MAN1A1: variants seen among roughly 807,000 people sequenced by gnomAD.
MAN1A1 encodes the protein mannosidase alpha class 1A member 1.
In MAN1A1, 29 loss-of-function variants were observed where a neutral mutation model predicts 70.8. That is an observed-to-expected ratio of 0.41 (90% CI 0.31 to 0.56). The LOEUF (loss-of-function observed/expected upper bound fraction) is 0.56. Ranked by LOEUF, MAN1A1 falls within the 20% of genes least tolerant of loss-of-function variation. The pLI is 0.29. For synonymous variants in MAN1A1, 349 were observed against 330.1 expected, an observed-to-expected ratio of 1.06 and a Z score of -0.62; for missense variants, 747 against 841.3, an observed-to-expected ratio of 0.89 and a Z score of 1.39.
At chr6:119,328,202 C>T (rs1388813994) in intron 2 of MAN1A1, among the ~76,000 whole-genome samples, 4 of 152,236 alleles carry the variant, frequency 2.6e-5, no homozygotes, top group African/African-American at 9.6e-5. Flanking sequence ...AACAGTAAGT[C>T]ACCCACTGCC....
At chr6:119,190,018 G>A (rs1480727582) in intron 9 of MAN1A1, 135 bp from the exon 10 acceptor site, 2 of 701,996 alleles carry the variant, frequency 2.8e-6, no homozygotes, top group Non-Finnish European at 4.7e-6. Context: ...CATTCAACCT[G>A]AAATTACATG....
At chr6:119,202,935 C>T (rs906084208) in intron 7 of MAN1A1, among the ~76,000 whole-genome samples, 1 of 152,108 alleles carries the variant, frequency 6.6e-6, no homozygotes, top group Non-Finnish European at 1.5e-5. Context: ...TAGGTTATGA[C>T]GGTAGAGCCT....
intron 5 of MAN1A1, among the ~76,000 whole-genome samples, chr6:119,270,530 C>T (rs1223735475): frequency 6.6e-6 from 1 of 152,146 alleles, no homozygotes. Flanking sequence ...TTCCCTCCAA[C>T]CCCTCTTGTC....
chr6:119,225,809 A>T (rs1208282587), intron 6 of MAN1A1, among the ~76,000 whole-genome samples: 2 of 152,216 alleles, frequency 1.3e-5, no homozygotes, highest in Non-Finnish European at 2.9e-5. Flanking sequence ...AATATATCTG[A>T]TGAAACTTTT....
chr6:119,344,088 A>G (rs1488900707), intron 2 of MAN1A1, among the ~76,000 whole-genome samples: 3 of 152,254 alleles, frequency 2.0e-5, no homozygotes, highest in Non-Finnish European at 4.4e-5. Context: ...CATTTTGTGT[A>G]ATACTAAGAT....
chr6:119,256,411 A>ATTTTTTTT, intron 5 of MAN1A1, among the ~76,000 whole-genome samples: 1 of 117,884 alleles, frequency 8.5e-6, no homozygotes, highest in Non-Finnish European at 1.9e-5. Flanking sequence ...ATTGTATCTC[A>ATTTTTTTT]TTATTTTTTT....
intron 8 of MAN1A1, among the ~76,000 whole-genome samples, chr6:119,200,238 T>C (rs1288774326): frequency 2.0e-5 from 3 of 152,188 alleles, no homozygotes; most frequent in South Asian, 2.1e-4. Context: ...TATATCATTA[T>C]ACTAGTATTA....
intron 10 of MAN1A1, 37 bp from the exon 11 acceptor site, chr6:119,188,614 C>A (rs376352723): frequency 6.3e-7 from 1 of 1,575,506 alleles, no homozygotes; most frequent in Non-Finnish European, 8.7e-7. Flanking sequence ...GGGTTATTTT[C>A]CTGGACAGTG....
At position 119,276,766 on chromosome 6, in the gene MAN1A1, G is replaced by A. The variant is rs761808523; in HGVS notation, c.897+13917C>T. Among the ~76,000 whole-genome samples, 62 of 152,136 alleles carry A rather than the reference G, an allele frequency of 4.1e-4. 1 individual carries two copies. Among genetic ancestry groups the A allele is most frequent in the Non-Finnish European group, 1.0e-4 (7 of 68,020 alleles). On this transcript the variant is annotated intron_variant, in intron 5 of 12. Transcript: ENST00000368468. ...AGTTAGCAGTAATTTATAAATTAGAGCAACTGTGGGTATTGTTTTGTCAAT... is the reference window on the plus strand; with the variant it reads ...AGTTAGCAGTAATTTATAAATTAGAACAACTGTGGGTATTGTTTTGTCAAT...
intron 2 of MAN1A1, among the ~76,000 whole-genome samples, chr6:119,337,400 T>G (rs1166008927): frequency 6.6e-6 from 1 of 152,232 alleles, no homozygotes; most frequent in East Asian, 1.9e-4. Context: ...GAGTAACTCC[T>G]GTAGGCATGT....
At chr6:119,327,246 C>T (rs1053678343) in intron 2 of MAN1A1, 9 of 152,280 alleles carry the variant, frequency 5.9e-5, no homozygotes, top group African/African-American at 2.2e-4. Flanking sequence ...AACAGGACTC[C>T]ATGTGATGTT....
At chr6:119,298,903 T>A (rs1269792975) in intron 4 of MAN1A1, among the ~76,000 whole-genome samples, 1 of 152,080 alleles carries the variant, frequency 6.6e-6, no homozygotes, top group African/African-American at 2.4e-5. Flanking sequence ...GCCAACTTTT[T>A]AAATAATACC....
chr6:119,241,938 G>C lies in MAN1A1; in HGVS notation c.992+6322C>G, dbSNP rs369670737. 3.4e-5 allele frequency among the ~76,000 whole-genome samples: 3 copies of C among 88,212 alleles called. No individual in the cohort carries two copies. The East Asian group carries it at 8.4e-4, about 25-fold the overall frequency. 57.9% of individuals were successfully genotyped at this position (88,212 alleles called of 152,430 possible). A position where few individuals can be genotyped will look rare whatever the true frequency, so the allele number is the denominator to read the frequency against. On this transcript the variant is annotated intron_variant, in intron 6 of 12. Transcript: ENST00000368468. The stretch of plus-strand genomic sequence containing the variant: ...TGTGTGTGTGTTTGTGTATGTGTGT[G>C]TGTGTATGTATGTGTGTGTGTGTGT...
At chr6:119,288,999 T>A (rs751389303) in intron 5 of MAN1A1, among the ~76,000 whole-genome samples, 3 of 151,688 alleles carry the variant, frequency 2.0e-5, no homozygotes, top group African/African-American at 7.2e-5. Flanking sequence ...TTAAAAAATA[T>A]CCTTACAAAG....
chr6:119,259,824 C>A (rs1033072432), intron 5 of MAN1A1, among the ~76,000 whole-genome samples: 5 of 152,124 alleles, frequency 3.3e-5, no homozygotes, highest in African/African-American at 1.2e-4. Context: ...GAGAAGTTCT[C>A]TTTTTCCCCA....
chr6:119,266,158 A>C (rs1775748177), intron 5 of MAN1A1, among the ~76,000 whole-genome samples: 1 of 152,210 alleles, frequency 6.6e-6, no homozygotes, highest in Non-Finnish European at 1.5e-5. Context: ...AAGATTGAAT[A>C]CCAAGACGTC....
intron 4 of MAN1A1, among the ~76,000 whole-genome samples, chr6:119,301,326 C>T (rs1772383104): frequency 6.6e-6 from 1 of 152,154 alleles, no homozygotes; most frequent in Non-Finnish European, 1.5e-5. Flanking sequence ...AAGACGTAGT[C>T]CTCCCCAGTC....
chr6:119,346,865 C>T (rs1483281449), intron 2 of MAN1A1, among the ~76,000 whole-genome samples: 1 of 152,162 alleles, frequency 6.6e-6, no homozygotes, highest in African/African-American at 2.4e-5. Context: ...CAGGCAGATA[C>T]AGATCATTTG....
chr6:119,261,878 A>G (rs1775624491), intron 5 of MAN1A1, among the ~76,000 whole-genome samples: 1 of 152,218 alleles, frequency 6.6e-6, no homozygotes, highest in South Asian at 2.1e-4. Flanking sequence ...GATCTATTAG[A>G]TTTGTTGAAA....
Sources: allele counts gnomAD v4.1 joint callset (sites outside exome capture counted in the v4.1 genomes callset), GRCh38; gene constraint gnomAD v4.1.1; transcripts MANE v1.5; gene names NCBI Gene and HGNC (gene_info 2026-07-23, HGNC 2026-07-21).